PID1: variants seen among roughly 807,000 people sequenced by gnomAD.
PID1 encodes the protein PTB-containing, cubilin and LRP1-interacting protein.
Under a neutral mutation model 19.1 loss-of-function variants are expected in PID1, and 10 were observed. The observed-to-expected ratio is 0.52, with a 90% CI of 0.32 to 0.89. PID1 has a LOEUF of 0.89. Among genes scored for constraint, PID1 ranks in the 40% least tolerant of loss-of-function variants. The probability of loss-of-function intolerance (pLI) is 0.03; values close to 1 mark genes in which losing one functional copy is unlikely to be tolerated. For synonymous variants in PID1, 130 were observed against 116.0 expected, an observed-to-expected ratio of 1.12 and a Z score of -0.78; for missense variants, 248 against 285.3, an observed-to-expected ratio of 0.87 and a Z score of 0.94.
intron 1 of PID1, among the ~76,000 whole-genome samples, chr2:229,256,950 GA>G (rs1690317088): frequency 6.6e-6 from 1 of 152,134 alleles, no homozygotes; most frequent in Non-Finnish European, 1.5e-5. Context: ...AAGCAGCCAA[GA>G]TTTGTAACTA....
intron 2 of PID1, among the ~76,000 whole-genome samples, chr2:229,067,586 C>G (rs1430397485): frequency 6.6e-6 from 1 of 152,138 alleles, no homozygotes; most frequent in Non-Finnish European, 1.5e-5. Context: ...GCTGTTCTAA[C>G]TGGTCACTGA....
chr2:229,141,872 G>A (rs571441112), intron 2 of PID1, among the ~76,000 whole-genome samples: 5 of 118,740 alleles, frequency 4.2e-5, no homozygotes, highest in South Asian at 3.3e-4. Flanking sequence ...GCCAAGAAAC[G>A]AATGTATATT....
At chr2:229,163,170 AAAT>A (rs1311304906) in intron 1 of PID1, among the ~76,000 whole-genome samples, 10 of 152,134 alleles carry the variant, frequency 6.6e-5, no homozygotes, top group Non-Finnish European at 1.2e-4. Flanking sequence ...TTTTAATGCA[AAAT>A]AGGTCAAATA....
Position 229,139,038 on chromosome 2 carries a change from A to G in PID1, c.177+16780T>C, listed in dbSNP as rs1304205064. On this transcript the variant is annotated intron_variant, in intron 2 of 2. Coordinates refer to ENST00000392055, the MANE Select transcript of PID1 (RefSeq NM_001100818.2). ...AAGAAAGAAAGAAAGAAAGAAAGAAAGAGAAAGAAAGAAAGAAAGAGAAAG... is the reference window on the plus strand; with the variant it reads ...AAGAAAGAAAGAAAGAAAGAAAGAAGGAGAAAGAAAGAAAGAAAGAGAAAG... 7.4e-4 allele frequency among the ~76,000 whole-genome samples: 42 copies of G among 57,028 alleles called. 4 individuals carry two copies. The highest frequency in any genetic ancestry group is 9.1e-3 in the Middle Eastern group (1 of 110). The allele number at this position is 57,028 out of a possible 152,430, so 37.4% of individuals were successfully genotyped here. A position where few individuals can be genotyped will look rare whatever the true frequency, so the allele number is the denominator to read the frequency against.
chr2:229,098,618 C>G (rs982784019), intron 2 of PID1, among the ~76,000 whole-genome samples: 10 of 152,008 alleles, frequency 6.6e-5, no homozygotes, highest in Admixed American at 5.2e-4. Context: ...ACATTTCATC[C>G]CAAGAAATAT....
chr2:229,162,232 C>T (rs982811813), intron 1 of PID1, among the ~76,000 whole-genome samples: 1 of 152,170 alleles, frequency 6.6e-6, no homozygotes, highest in South Asian at 2.1e-4. Context: ...ACGGGGTAAT[C>T]GCCATGCCCT....
At chr2:229,150,392 G>A (rs1243352316) in intron 2 of PID1, among the ~76,000 whole-genome samples, 6 of 152,096 alleles carry the variant, frequency 3.9e-5, no homozygotes, top group Admixed American at 2.6e-4. Flanking sequence ...GACCTCAGAC[G>A]CTGACCCCAC....
At chr2:229,047,540 C>T (rs1352617996) in intron 2 of PID1, among the ~76,000 whole-genome samples, 1 of 152,082 alleles carries the variant, frequency 6.6e-6, no homozygotes, top group African/African-American at 2.4e-5. Flanking sequence ...ATTTATAGGA[C>T]TTCTATTTAT....
chr2:229,196,181 T>C (rs994719737), intron 1 of PID1, among the ~76,000 whole-genome samples: 3 of 152,062 alleles, frequency 2.0e-5, no homozygotes, highest in Non-Finnish European at 2.9e-5. Flanking sequence ...TCAGTTACAT[T>C]TTCAAAGACT....
At position 229,207,039 on chromosome 2, in the gene PID1, C is replaced by A. The variant is rs139462139; in HGVS notation, c.31-51075G>T. 2.5e-3 allele frequency among the ~76,000 whole-genome samples: 373 copies of A among 152,208 alleles called. 3 individuals carry two copies. Among genetic ancestry groups the A allele is most frequent in the African/African-American group, 8.3e-3 (345 of 41,520 alleles). On this transcript the variant is annotated intron_variant, in intron 1 of 2. Transcript: ENST00000392055. Reference sequence around the variant, plus strand: ...GATGACTAAGTTTTGATTATGGCTTCGTAGACCAATAGCTTGGGTCTCTAT... The same window carrying A: ...GATGACTAAGTTTTGATTATGGCTTAGTAGACCAATAGCTTGGGTCTCTAT...
At chr2:229,221,326 C>T (rs1478816395) in intron 1 of PID1, among the ~76,000 whole-genome samples, 1 of 152,182 alleles carries the variant, frequency 6.6e-6, no homozygotes, top group Non-Finnish European at 1.5e-5. Flanking sequence ...TAGCTTCTCA[C>T]TCCATGTTCC....
intron 2 of PID1, among the ~76,000 whole-genome samples, chr2:229,130,698 C>G (rs149389314): frequency 1.3e-5 from 2 of 152,302 alleles, no homozygotes; most frequent in Admixed American, 1.3e-4. Context: ...CATCTTGCGT[C>G]ATCAGCACCT....
chr2:229,153,393 C>T (rs1279468734), intron 2 of PID1, among the ~76,000 whole-genome samples: 1 of 152,206 alleles, frequency 6.6e-6, no homozygotes, highest in African/African-American at 2.4e-5. Flanking sequence ...CTGGAATCGC[C>T]TCTTCAAGGT....
At chr2:229,135,440 G>C (rs988450499) in intron 2 of PID1, among the ~76,000 whole-genome samples, 1 of 152,170 alleles carries the variant, frequency 6.6e-6, no homozygotes, top group African/African-American at 2.4e-5. Context: ...ATCCAGAATA[G>C]GCAAATTCAT....
intron 2 of PID1, among the ~76,000 whole-genome samples, chr2:229,121,424 A>G (rs1695517226): frequency 6.6e-6 from 1 of 152,230 alleles, no homozygotes; most frequent in Non-Finnish European, 1.5e-5. Context: ...GTGCCTAGGA[A>G]GCACTTCATC....
intron 1 of PID1, among the ~76,000 whole-genome samples, chr2:229,245,926 A>AT (rs1438497623): frequency 2.6e-5 from 4 of 152,136 alleles, no homozygotes; most frequent in African/African-American, 9.6e-5. Flanking sequence ...TGCATCCTTC[A>AT]TTTTGGCTGT....
intron 2 of PID1, among the ~76,000 whole-genome samples, chr2:229,046,310 G>C (rs771707544): frequency 6.6e-5 from 10 of 150,384 alleles, no homozygotes; most frequent in Non-Finnish European, 1.5e-4. Context: ...GTTTTGTTTT[G>C]GTAAATGCTG....
At chr2:229,149,336 C>G (rs1316471404) in intron 2 of PID1, among the ~76,000 whole-genome samples, 1 of 151,968 alleles carries the variant, frequency 6.6e-6, no homozygotes, top group Non-Finnish European at 1.5e-5. Context: ...TCAACGGAAC[C>G]CAAAGATTTA....
intron 1 of PID1, among the ~76,000 whole-genome samples, chr2:229,190,376 C>A (rs1691230557): frequency 6.6e-6 from 1 of 152,204 alleles, no homozygotes; most frequent in Non-Finnish European, 1.5e-5. Flanking sequence ...GGGGCAGGAC[C>A]CAGTCTGTCT....
Sources: allele counts gnomAD v4.1 joint callset (sites outside exome capture counted in the v4.1 genomes callset), GRCh38; gene constraint gnomAD v4.1.1; transcripts MANE v1.5; gene names NCBI Gene and HGNC (gene_info 2026-07-23, HGNC 2026-07-21).